The following CTBP2 variants were observed in gnomAD, a reference collection of about 807,000 sequenced individuals.
The protein encoded by CTBP2 is C-terminal binding protein 2.
Under a neutral mutation model 80.3 loss-of-function variants are expected in CTBP2, and 30 were observed. The ratio of observed to expected loss-of-function variants is 0.37; its 90% confidence interval spans 0.28 to 0.51. CTBP2 has a LOEUF of 0.51. Among genes scored for constraint, CTBP2 ranks in the 20% least tolerant of loss-of-function variants. The pLI, the probability that CTBP2 is intolerant of heterozygous loss-of-function variation, is 0.93. For missense variants in CTBP2, 1,212 were observed against 1,375.3 expected, an observed-to-expected ratio of 0.88 and a Z score of 1.88; for synonymous variants, 594 against 587.4, an observed-to-expected ratio of 1.01 and a Z score of -0.16.
intron 1 of CTBP2, among the ~76,000 whole-genome samples, chr10:125,148,577 G>C (rs1859235369): frequency 6.6e-6 from 1 of 152,164 alleles, no homozygotes; most frequent in African/African-American, 2.4e-5. Context: ...GCCTGACTGG[G>C]ACACAACCAG....
At chr10:125,045,000 G>A (rs1389135093) in intron 2 of CTBP2, among the ~76,000 whole-genome samples, 3 of 152,174 alleles carry the variant, frequency 2.0e-5, no homozygotes, top group Admixed American at 6.5e-5. Context: ...GCTATGGACC[G>A]AATGCTTGTG....
intron 1 of CTBP2, among the ~76,000 whole-genome samples, chr10:125,154,952 G>A (rs1860657396): frequency 6.6e-6 from 1 of 152,230 alleles, no homozygotes; most frequent in Non-Finnish European, 1.5e-5. Flanking sequence ...TTAAAGTCAG[G>A]AGAGGAGTAA....
chr10:125,147,350 G>GT (rs1858967706), intron 1 of CTBP2, among the ~76,000 whole-genome samples: 1 of 152,180 alleles, frequency 6.6e-6, no homozygotes, highest in African/African-American at 2.4e-5. Context: ...AGGCAAGGCA[G>GT]TTTTTTTCTT....
intron 2 of CTBP2, among the ~76,000 whole-genome samples, chr10:125,084,807 T>C (rs938240906): frequency 1.3e-5 from 2 of 151,930 alleles, no homozygotes; most frequent in East Asian, 1.9e-4. Context: ...CCAAGACGCC[T>C]TGAGATCCCC....
intron 2 of CTBP2, among the ~76,000 whole-genome samples, chr10:125,073,502 A>G (rs998727004): frequency 6.6e-6 from 1 of 152,200 alleles, no homozygotes; most frequent in Non-Finnish European, 1.5e-5. Context: ...TGGCCCCCCA[A>G]AGTGCTGGGA....
intron 3 of CTBP2, among the ~76,000 whole-genome samples, chr10:125,034,324 A>G (rs1251316431): frequency 6.6e-6 from 1 of 152,194 alleles, no homozygotes; most frequent in African/African-American, 2.4e-5. Context: ...GCAAAACATG[A>G]AACTTTACCC....
At chr10:125,102,795 A>T (rs765994298) in intron 2 of CTBP2, among the ~76,000 whole-genome samples, 7 of 152,204 alleles carry the variant, frequency 4.6e-5, no homozygotes, top group Non-Finnish European at 8.8e-5. Flanking sequence ...TGGGTCCTTG[A>T]ATTTGATACA....
At chr10:125,119,608 T>C (rs1853972325) in intron 1 of CTBP2, among the ~76,000 whole-genome samples, 1 of 152,226 alleles carries the variant, frequency 6.6e-6, no homozygotes, top group Admixed American at 6.5e-5. Context: ...AAATCTCACA[T>C]ATTTTAAAAC....
chr10:125,111,628 A>G (rs1197094312), intron 1 of CTBP2, among the ~76,000 whole-genome samples: 1 of 152,262 alleles, frequency 6.6e-6, no homozygotes, highest in Non-Finnish European at 1.5e-5. Context: ...TCAGTTAAGA[A>G]TTCAATCCTA....
intron 8 of CTBP2, 121 bp from the exon 11 acceptor site, chr10:124,989,819 T>C (rs939670597): frequency 8.6e-6 from 8 of 932,372 alleles, no homozygotes; most frequent in Non-Finnish European, 1.2e-5. Flanking sequence ...ATGGCTCACC[T>C]TGACCGACCT....
At chr10:125,071,644 A>G (rs982062266) in intron 2 of CTBP2, among the ~76,000 whole-genome samples, 4 of 152,192 alleles carry the variant, frequency 2.6e-5, no homozygotes, top group African/African-American at 9.7e-5. Flanking sequence ...CCAGGTTTTG[A>G]AGAGCTTTTT....
intron 2 of CTBP2, among the ~76,000 whole-genome samples, chr10:125,057,284 TG>T (rs1176095327): frequency 6.6e-6 from 1 of 152,100 alleles, no homozygotes; most frequent in Non-Finnish European, 1.5e-5. Context: ...AGGAAGTGAG[TG>T]GGATTTACGT....
chr10:125,085,494 TAGCTG>T (rs750944522), intron 2 of CTBP2, among the ~76,000 whole-genome samples: 16 of 152,194 alleles, frequency 1.1e-4, no homozygotes, highest in Non-Finnish European at 1.6e-4. Flanking sequence ...GTGCAGGATT[TAGCTG>T]TCTTAAAGAT....
chr10:125,036,019 T>G (rs1337318529), intron 3 of CTBP2, among the ~76,000 whole-genome samples: 4 of 152,166 alleles, frequency 2.6e-5, no homozygotes, highest in Admixed American at 6.5e-5. Flanking sequence ...AAAATTAAAA[T>G]GTGGCTTTTA....
At chr10:125,108,501 G>A (rs1047220720) in intron 2 of CTBP2, among the ~76,000 whole-genome samples, 4 of 152,128 alleles carry the variant, frequency 2.6e-5, no homozygotes, top group Admixed American at 6.5e-5. Flanking sequence ...AAATCCATAC[G>A]TGGTCCTTAC....
chr10:125,085,823 A>T (rs1847885278), intron 2 of CTBP2, among the ~76,000 whole-genome samples: 1 of 152,230 alleles, frequency 6.6e-6, no homozygotes, highest in African/African-American at 2.4e-5. Context: ...AGAGACACCC[A>T]GGAGGATTCT....
At chr10:125,028,116 A>AC, upstream of CTBP2, 2 of 220,454 alleles carry the variant, frequency 9.1e-6, no homozygotes, top group Non-Finnish European at 1.8e-5. Flanking sequence ...GAGCTAAATA[A>AC]AACCCTAAAG....
rs896298302 is a variant in CTBP2 at position 124,988,758 on chromosome 10, A to T, written c.*760T>A. On this transcript the variant is annotated 3_prime_UTR_variant, in exon 9 of 9. Coordinates refer to ENST00000309035, the MANE Select transcript of CTBP2 (RefSeq NM_022802.3). ...TACCATAAAAAGTGTTTCCTGAGACATAAGGAAATGCAACATTATTCTTCT... is the reference window on the plus strand; with the variant it reads ...TACCATAAAAAGTGTTTCCTGAGACTTAAGGAAATGCAACATTATTCTTCT... 2.0e-5 allele frequency: 3 copies of T among 152,688 alleles called. No homozygotes were observed. Among genetic ancestry groups the T allele is most frequent in the Non-Finnish European group, 4.4e-5 (3 of 68,046 alleles). 9.5% of individuals were successfully genotyped at this position (152,688 alleles called of 1,614,324 possible). A position where few individuals can be genotyped will look rare whatever the true frequency, so the allele number is the denominator to read the frequency against.
chr10:125,123,502 G>A (rs1590929542), intron 1 of CTBP2, among the ~76,000 whole-genome samples: 1 of 152,186 alleles, frequency 6.6e-6, no homozygotes, highest in Non-Finnish European at 1.5e-5. Context: ...TTCAAAATAA[G>A]TTTAATTTTT....
Sources: gnomAD v4.1 joint callset for allele counts (sites outside exome capture counted in the v4.1 genomes callset) on GRCh38, gnomAD v4.1.1 for gene constraint, MANE v1.5 for transcripts, NCBI Gene and HGNC (gene_info 2026-07-23, HGNC 2026-07-21) for gene names.